The following COL25A1 variants were observed in gnomAD, a reference collection of about 807,000 sequenced individuals.
COL25A1 encodes the protein collagen type XXV alpha 1 chain, also known as collagen alpha-1(XXV) chain.
COL25A1 carries 103 observed loss-of-function variants against 128.4 expected under a neutral mutation model. The observed-to-expected ratio is 0.80, with a 90% CI of 0.68 to 0.94. COL25A1 has a LOEUF of 0.94. COL25A1 is among the 40% of genes least tolerant of loss of function. The pLI is 0.00. For synonymous variants in COL25A1, 279 were observed against 277.2 expected, an observed-to-expected ratio of 1.01 and a Z score of -0.06; for missense variants, 745 against 840.0, an observed-to-expected ratio of 0.89 and a Z score of 1.40.
intron 24 of COL25A1, among the ~76,000 whole-genome samples, chr4:108,858,378 G>A (rs1254307777): frequency 5.9e-5 from 9 of 152,026 alleles, no homozygotes; most frequent in Non-Finnish European, 8.8e-5. Flanking sequence ...AGTTAGGAAT[G>A]GAAAGAACAG....
chr4:108,979,503 G>A (rs1752753524), intron 6 of COL25A1, among the ~76,000 whole-genome samples: 1 of 151,966 alleles, frequency 6.6e-6, no homozygotes, highest in South Asian at 2.1e-4. Flanking sequence ...AAAAAACTAA[G>A]GCAGGAATAG....
rs934261700 is a variant in COL25A1, at chr4:108,813,548, T to C, written c.*379A>G. On this transcript the variant is annotated 3_prime_UTR_variant, in exon 38 of 38. Coordinates refer to ENST00000399132, the MANE Select transcript of COL25A1 (RefSeq NM_198721.4). ...GTCAGTATAGTACATTTTCATAGCT[T>C]TGAGTCCATATTTGGTCACCATTTC... is the stretch of plus-strand genomic sequence containing the variant. 2 of 204,874 alleles carry C rather than the reference T, an allele frequency of 9.8e-6. No individual in the cohort carries two copies. Among genetic ancestry groups the C allele is most frequent in the Non-Finnish European group, 2.0e-5 (2 of 101,288 alleles). The allele number at this position is 204,874 out of a possible 1,614,324, so 12.7% of individuals were successfully genotyped here.
chr4:109,019,913 G>A (rs1034932266), intron 5 of COL25A1, among the ~76,000 whole-genome samples: 3 of 152,066 alleles, frequency 2.0e-5, no homozygotes, highest in African/African-American at 7.2e-5. Context: ...AGTTTGATTT[G>A]GTCTCCATAT....
chr4:109,032,612 T>A (rs979316322), intron 5 of COL25A1, among the ~76,000 whole-genome samples: 1 of 152,248 alleles, frequency 6.6e-6, no homozygotes, highest in Non-Finnish European at 1.5e-5. Context: ...ACAGATAACA[T>A]TATGCAATTA....
At chr4:109,081,141 G>A (rs552971054) in intron 3 of COL25A1, among the ~76,000 whole-genome samples, 9 of 152,162 alleles carry the variant, frequency 5.9e-5, no homozygotes, top group African/African-American at 1.7e-4. Flanking sequence ...TGCCTCACAC[G>A]TATGAATTGA....
intron 31 of COL25A1, among the ~76,000 whole-genome samples, chr4:108,841,175 A>C (rs1313349220): frequency 6.6e-6 from 1 of 152,248 alleles, no homozygotes; most frequent in East Asian, 1.9e-4. Context: ...AAAGTATAGA[A>C]TGCATGTAAG....
At chr4:109,116,429 G>C (rs1350751556) in intron 3 of COL25A1, among the ~76,000 whole-genome samples, 2 of 151,980 alleles carry the variant, frequency 1.3e-5, no homozygotes, top group East Asian at 3.9e-4. Flanking sequence ...TCCTACTTAA[G>C]GGAAAGGGGA....
At chr4:108,881,008 T>A (rs978965091) in intron 19 of COL25A1, among the ~76,000 whole-genome samples, 1 of 152,192 alleles carries the variant, frequency 6.6e-6, no homozygotes, top group African/African-American at 2.4e-5. Flanking sequence ...AATGTCTACA[T>A]GGTACATTGT....
intron 23 of COL25A1, 63 bp from the exon 24 acceptor site, chr4:108,859,796 G>A: frequency 1.6e-6 from 2 of 1,232,650 alleles, no homozygotes; most frequent in South Asian, 1.3e-5. Context: ...GTGGACTGTG[G>A]CAGAAACAGA....
chr4:108,972,766 A>C (rs552809160), intron 8 of COL25A1, among the ~76,000 whole-genome samples: 18 of 152,290 alleles, frequency 1.2e-4, no homozygotes, highest in African/African-American at 3.6e-4. Context: ...TGAAATCTGC[A>C]TGAAAGGCAG....
At chr4:109,206,077 G>T (rs1446939983) in intron 3 of COL25A1, among the ~76,000 whole-genome samples, 4 of 151,938 alleles carry the variant, frequency 2.6e-5, no homozygotes, top group Non-Finnish European at 5.9e-5. Flanking sequence ...CATAGTCCTT[G>T]CAATTCACCA....
chr4:108,897,103 C>A (rs1289148316), intron 15 of COL25A1, among the ~76,000 whole-genome samples: 1 of 152,122 alleles, frequency 6.6e-6, no homozygotes, highest in African/African-American at 2.4e-5. Flanking sequence ...TTCCTGTCAC[C>A]TGGATCCCTC....
intron 8 of COL25A1, among the ~76,000 whole-genome samples, chr4:108,969,791 T>C (rs1255980882): frequency 6.6e-6 from 1 of 152,230 alleles, no homozygotes; most frequent in African/African-American, 2.4e-5. Context: ...CAGCCTAGAT[T>C]CTTATGACTT....
chr4:109,126,253 C>T (rs758482211), intron 3 of COL25A1, among the ~76,000 whole-genome samples: 14 of 151,942 alleles, frequency 9.2e-5, no homozygotes, highest in Non-Finnish European at 2.9e-5. Context: ...AAAAGACAAA[C>T]GTAGTCATCA....
chr4:108,984,018 G>T (rs1753355068), intron 6 of COL25A1, among the ~76,000 whole-genome samples: 1 of 152,132 alleles, frequency 6.6e-6, no homozygotes, highest in South Asian at 2.1e-4. Context: ...GAGCGGAGTG[G>T]TCTGTTTTGA....
intron 3 of COL25A1, among the ~76,000 whole-genome samples, chr4:109,187,987 A>T (rs756053584): frequency 4.6e-5 from 7 of 152,218 alleles, no homozygotes; most frequent in Non-Finnish European, 1.0e-4. Flanking sequence ...CTCCAAAAGG[A>T]GATAAGTCAC....
chr4:109,007,902 C>T (rs181225302), intron 6 of COL25A1, among the ~76,000 whole-genome samples: 4,935 of 152,188 alleles, frequency 0.032, 210 homozygotes, highest in African/African-American at 0.11. Flanking sequence ...TATGATCTTT[C>T]TTCTGTTTAT....
intron 3 of COL25A1, among the ~76,000 whole-genome samples, chr4:109,092,407 C>G (rs116937371): frequency 6.6e-6 from 1 of 152,160 alleles, no homozygotes; most frequent in African/African-American, 2.4e-5. Flanking sequence ...ATTGCTTGAG[C>G]CCAGGAGTCT....
chr4:109,130,588 A>G (rs1051460466), intron 3 of COL25A1, among the ~76,000 whole-genome samples: 2 of 152,184 alleles, frequency 1.3e-5, no homozygotes. Flanking sequence ...ATAAGCTTGA[A>G]CAAAATCATA....
Sources: allele counts gnomAD v4.1 joint callset (sites outside exome capture counted in the v4.1 genomes callset), GRCh38; gene constraint gnomAD v4.1.1; transcripts MANE v1.5; gene names NCBI Gene and HGNC (gene_info 2026-07-23, HGNC 2026-07-21).